The following DENND4C variants were observed in gnomAD, a reference collection of about 807,000 sequenced individuals.
DENND4C encodes the protein DENN domain-containing protein 4C.
Under a neutral mutation model 203.0 loss-of-function variants are expected in DENND4C, and 108 were observed. The ratio of observed to expected loss-of-function variants is 0.53; its 90% CI spans 0.46 to 0.62. The LOEUF (loss-of-function observed/expected upper bound fraction) is 0.62. DENND4C is among the 20% of genes least tolerant of loss of function. DENND4C has a pLI of 0.00. For synonymous variants in DENND4C, 871 were observed against 792.4 expected, an observed-to-expected ratio of 1.10 and a Z score of -1.67; for missense variants, 2,481 against 2,301.2, an observed-to-expected ratio of 1.08 and a Z score of -1.60.
intron 22 of DENND4C, among the ~76,000 whole-genome samples, chr9:19,345,367 C>T (rs993088726): frequency 1.3e-5 from 2 of 152,146 alleles, no homozygotes; most frequent in African/African-American, 4.8e-5. Context: ...TACTAGTAGA[C>T]GTTTAGTATT....
intron 1 of DENND4C, among the ~76,000 whole-genome samples, chr9:19,269,540 C>T (rs1260389874): frequency 6.6e-6 from 1 of 152,212 alleles, no homozygotes; most frequent in Non-Finnish European, 1.5e-5. Flanking sequence ...TTGAAAGACT[C>T]TGATTCATTC....
rs1262115860 is a variant in DENND4C, at chr9:19,287,037, T to A, written c.558+16T>A. ...TTGTGGAATGGTAAGAATAAAGTTT[T>A]CATCTTCAAAGTTTCATATGAAACC... On this transcript the variant is annotated intron_variant, in intron 3 of 32. Coordinates refer to ENST00000434457, the MANE Select transcript of DENND4C (RefSeq NM_001330640.2). The A allele has an allele frequency of 2.4e-6, 3 of 1,231,936 alleles. No homozygotes were observed. The Admixed American group carries it at 1.3e-4, about 52-fold the overall frequency. The allele number at this position is 1,231,936 out of a possible 1,614,324, so 76.3% of individuals were successfully genotyped here.
At chr9:19,364,435 A>G (rs2132264354) in intron 30 of DENND4C, among the ~76,000 whole-genome samples, 1 of 152,374 alleles carries the variant, frequency 6.6e-6, no homozygotes, top group South Asian at 2.1e-4. Context: ...CTATAGAAAT[A>G]CAGTACACAG....
intron 10 of DENND4C, among the ~76,000 whole-genome samples, chr9:19,308,117 A>G (rs892782521): frequency 3.3e-5 from 5 of 152,106 alleles, no homozygotes; most frequent in African/African-American, 1.2e-4. Flanking sequence ...TCTAGGTTGT[A>G]TCTAGATCTT....
intron 3 of DENND4C, among the ~76,000 whole-genome samples, chr9:19,287,934 G>C (rs773188197): frequency 4.6e-5 from 7 of 152,182 alleles, no homozygotes; most frequent in Non-Finnish European, 8.8e-5. Context: ...GTTTCACCAT[G>C]TTGGTTGGCC....
intron 10 of DENND4C, among the ~76,000 whole-genome samples, chr9:19,307,697 G>C (rs945427672): frequency 6.6e-6 from 1 of 150,414 alleles, no homozygotes; most frequent in Admixed American, 6.6e-5. Flanking sequence ...TTGAACTGAG[G>C]AGGTGGAGGT....
At chr9:19,304,189 A>T (rs1313837712) in intron 9 of DENND4C, among the ~76,000 whole-genome samples, 3 of 142,406 alleles carry the variant, frequency 2.1e-5, no homozygotes, top group Non-Finnish European at 3.0e-5. Context: ...TTTTATATTG[A>T]TTTTTTTTTT....
chr9:19,305,563 A>G, intron 10 of DENND4C, 36 bp downstream of exon 10: 1 of 1,568,692 alleles, frequency 6.4e-7, no homozygotes, highest in East Asian at 2.2e-5. Flanking sequence ...TCCCATTTAT[A>G]TTTTTCACTA....
chr9:19,292,899 A>G (rs1836671358), intron 5 of DENND4C, among the ~76,000 whole-genome samples: 3 of 152,184 alleles, frequency 2.0e-5, no homozygotes, highest in Admixed American at 2.0e-4. Flanking sequence ...GAAAAAATAT[A>G]TAATCTGAAC....
At chr9:19,322,613 G>A (rs1262988299) in intron 12 of DENND4C, among the ~76,000 whole-genome samples, 2 of 151,714 alleles carry the variant, frequency 1.3e-5, no homozygotes, top group African/African-American at 4.8e-5. Context: ...GCGGGCGCCT[G>A]TAGTCCCAGC....
chr9:19,369,117 T>G (rs1377437226), intron 30 of DENND4C, among the ~76,000 whole-genome samples: 3 of 151,962 alleles, frequency 2.0e-5, no homozygotes, highest in South Asian at 4.2e-4. Context: ...ACTCCAGCCT[T>G]GGCAACAGAA....
intron 1 of DENND4C, among the ~76,000 whole-genome samples, chr9:19,263,790 G>A (rs73429018): frequency 0.053 from 8,114 of 151,870 alleles, 361 homozygotes; most frequent in African/African-American, 0.12. Flanking sequence ...GAGTAGCTGG[G>A]GACTACAGGC....
chr9:19,368,845 T>C (rs1474243157), intron 30 of DENND4C, among the ~76,000 whole-genome samples: 2 of 152,066 alleles, frequency 1.3e-5, no homozygotes, highest in South Asian at 4.1e-4. Context: ...GTAAATACAA[T>C]TTTTACTTAT....
chr9:19,271,203 T>C lies in DENND4C; in HGVS notation c.-17-4955T>C, dbSNP rs141192655. Reference sequence around the variant, plus strand: ...TTAGGTAAAAATTAATATGGATTCTTTTTTTTTTTTTTTTTTGAGACAGTC... The same window carrying C: ...TTAGGTAAAAATTAATATGGATTCTCTTTTTTTTTTTTTTTTGAGACAGTC... On this transcript the variant is annotated intron_variant, in intron 1 of 32. Transcript: ENST00000434457. 3.5e-3 allele frequency among the ~76,000 whole-genome samples: 517 copies of C among 146,148 alleles called. 15 individuals are homozygous for C. The East Asian group carries it at 0.039, about 11-fold the overall frequency.
chr9:19,248,467 G>A (rs540395638), intron 1 of DENND4C, among the ~76,000 whole-genome samples: 7 of 152,012 alleles, frequency 4.6e-5, no homozygotes, highest in East Asian at 3.9e-4. Context: ...TTGGCTCACC[G>A]CAACCTCCGC....
chr9:19,251,158 T>G (rs552262248), intron 1 of DENND4C, among the ~76,000 whole-genome samples: 1 of 152,372 alleles, frequency 6.6e-6, no homozygotes, highest in African/African-American at 2.4e-5. Flanking sequence ...ATACATCCTC[T>G]GAAATCTAGG....
At chr9:19,273,567 A>G (rs567741024) in intron 1 of DENND4C, among the ~76,000 whole-genome samples, 1 of 152,042 alleles carries the variant, frequency 6.6e-6, no homozygotes, top group African/African-American at 2.4e-5. Context: ...AGAATACATA[A>G]AGAACTCAAA....
chr9:19,235,110 G>A (rs1212880290), intron 1 of DENND4C, among the ~76,000 whole-genome samples: 4 of 151,922 alleles, frequency 2.6e-5, no homozygotes, highest in East Asian at 3.9e-4. Context: ...GATTACAGAC[G>A]CCTGCCACCA....
Position 19,361,884 on chromosome 9 carries a change from G to A in DENND4C, c.5445G>A (p.Val1815=), listed in dbSNP as rs750372673. The change falls in exon 30 of 33, where the codon GTG becomes GTA. Residue 1815 remains valine (V), a synonymous_variant. Transcript: ENST00000434457. ...LSSLSQDSKL[V]YIQLLWDNIN... The stretch of plus-strand genomic sequence containing the variant: ...CTCTGTCCCAGGATAGCAAACTTGT[G>A]TATATTCAGCTGTTATGGGATAATA... 23 of 1,612,428 alleles carry A rather than the reference G, an allele frequency of 1.4e-5. No homozygotes were observed. Among genetic ancestry groups the A allele is most frequent in the Admixed American group, 8.3e-5 (5 of 59,970 alleles).
Sources: allele counts gnomAD v4.1 joint callset (sites outside exome capture counted in the v4.1 genomes callset), GRCh38; gene constraint gnomAD v4.1.1; transcripts MANE v1.5; gene names NCBI Gene and HGNC (gene_info 2026-07-23, HGNC 2026-07-21).